The following CCKBR variants were observed in gnomAD, a reference collection of about 807,000 sequenced individuals.
The protein encoded by CCKBR is gastrin/cholecystokinin type B receptor.
CCKBR carries 33 observed loss-of-function variants against 34.6 expected under a neutral mutation model. That is an observed-to-expected ratio of 0.95 (90% CI 0.72 to 1.27). The LOEUF is 1.27. Ranked by LOEUF, CCKBR falls within the 50% of genes most tolerant of loss-of-function variation. The pLI, the probability that CCKBR is intolerant of heterozygous loss-of-function variation, is 0.00. For synonymous variants in CCKBR, 269 were observed against 267.5 expected, an observed-to-expected ratio of 1.01 and a Z score of -0.06; for missense variants, 652 against 617.4, an observed-to-expected ratio of 1.06 and a Z score of -0.59.
intron 1 of CCKBR, among the ~76,000 whole-genome samples, chr11:6,265,418 G>A (rs1169551145): frequency 6.6e-6 from 1 of 152,242 alleles, no homozygotes; most frequent in Admixed American, 6.5e-5. Flanking sequence ...ATGAATGAAT[G>A]AGAAATTGCT....
chr11:6,260,672 C>G (rs551586888), intron 1 of CCKBR, among the ~76,000 whole-genome samples: 58 of 152,340 alleles, frequency 3.8e-4, no homozygotes, highest in African/African-American at 1.4e-3. Context: ...CACTCCTTCT[C>G]AAACCCCTCT....
At chr11:6,270,598 G>A (rs201879757) in intron 3 of CCKBR, 48 bp from the exon 4 acceptor site, 2 of 1,536,382 alleles carry the variant, frequency 1.3e-6, no homozygotes, top group Non-Finnish European at 8.8e-7. Context: ...CTCCATCTGT[G>A]ATTACAGCTG....
intron 2 of CCKBR, 77 bp from the exon 3 acceptor site, chr11:6,270,011 G>A: frequency 6.3e-7 from 1 of 1,590,088 alleles, no homozygotes; most frequent in East Asian, 2.2e-5. Flanking sequence ...GGCAGGGAGG[G>A]GTGTGAGGAA....
rs753657482 is a variant in CCKBR, at chr11:6,270,226, T to C, written c.542T>C (p.Leu181Pro). 2 of 1,613,296 alleles carry C rather than the reference T, an allele frequency of 1.2e-6. No individual in the cohort carries two copies. Among genetic ancestry groups the C allele is most frequent in the Admixed American group, 1.7e-5 (1 of 60,022 alleles). Residue 181 changes from leucine to proline, a missense_variant, in exon 3 of 5, where the codon CTG becomes CCG. Leu to Pro is a moderately conservative substitution (Grantham distance 98). Coordinates refer to ENST00000334619, the MANE Select transcript of CCKBR (RefSeq NM_176875.4). ...CGCGTGATTGTAGCCACGTGGCTGC[T>C]GTCCGGACTACTCATGGTGCCCTAC... ...AARVIVATWL[L>P]SGLLMVPYPV...
At chr11:6,266,529 G>A (rs1228619621) in intron 1 of CCKBR, among the ~76,000 whole-genome samples, 1 of 150,500 alleles carries the variant, frequency 6.6e-6, no homozygotes, top group Non-Finnish European at 1.5e-5. Flanking sequence ...CAAAAAACAT[G>A]GAGGTAGTAT....
intron 1 of CCKBR, among the ~76,000 whole-genome samples, chr11:6,261,333 C>G (rs1848125525): frequency 6.6e-6 from 1 of 150,632 alleles, no homozygotes; most frequent in Non-Finnish European, 1.5e-5. Flanking sequence ...TGGAACACCT[C>G]TAGCCCAGCC....
intron 1 of CCKBR, chr11:6,264,724 TACACAC>T (rs5789456): frequency 2.6e-4 from 112 of 424,692 alleles, no homozygotes; most frequent in South Asian, 7.0e-4. Context: ...CACACATCAA[TACACAC>T]ACACACACAC....
chr11:6,261,201 G>T (rs1333743893), intron 1 of CCKBR, among the ~76,000 whole-genome samples: 1 of 151,874 alleles, frequency 6.6e-6, no homozygotes, highest in Non-Finnish European at 1.5e-5. Context: ...AATGTAAGTT[G>T]AACAAAACCG....
chr11:6,261,458 T>TACAC (rs1177710220), intron 1 of CCKBR, among the ~76,000 whole-genome samples: 1 of 36,790 alleles, frequency 2.7e-5, no homozygotes, highest in African/African-American at 7.8e-5. Flanking sequence ...AAAAAAAATA[T>TACAC]ATATACACAC....
At chr11:6,266,191 TTAAGAA>T (rs1458108808) in intron 1 of CCKBR, among the ~76,000 whole-genome samples, 3 of 152,106 alleles carry the variant, frequency 2.0e-5, no homozygotes, top group Non-Finnish European at 4.4e-5. Context: ...TGAGATTTGA[TTAAGAA>T]GGAGGCAGTA....
chr11:6,260,096 G>GC lies in CCKBR; in HGVS notation c.151+25dup, dbSNP rs552247907. 6.9e-3 allele frequency: 10,840 copies of GC among 1,563,722 alleles called. 54 individuals are homozygous for GC. Among genetic ancestry groups the GC allele is most frequent in the South Asian group, 0.02 (1,704 of 87,318 alleles). On this transcript the variant is annotated intron_variant, in intron 1 of 4. Transcript: ENST00000334619. ...GGACACGAGGTGGGTGCCTCCCTCA[G>GC]CCCCCCCCACAAGCTATTTCTCACT...
Position 6,267,585 on chromosome 11 carries a change from AT to A in CCKBR, c.152-2083del, listed in dbSNP as rs1395132730. Among the ~76,000 whole-genome samples the A allele has an allele frequency of 2.0e-5, 3 of 152,240 alleles. No homozygotes were observed. The East Asian group carries it at 5.8e-4, about 29-fold the overall frequency. On this transcript the variant is annotated intron_variant, in intron 1 of 4. Transcript: ENST00000334619. ...TTTTATAGTTAACTTTTTTAAAAAAATAAGTAAGAGTATACTCTAAAATAAT... is the reference window on the plus strand; with the variant it reads ...TTTTATAGTTAACTTTTTTAAAAAAAAAGTAAGAGTATACTCTAAAATAAT...
intron 1 of CCKBR, among the ~76,000 whole-genome samples, chr11:6,262,263 A>G (rs1014061746): frequency 9.2e-5 from 14 of 152,214 alleles, no homozygotes; most frequent in Admixed American, 8.5e-4. Flanking sequence ...TACAGGATGT[A>G]GAAGCCCCGA....
At position 6,260,004 on chromosome 11, in the gene CCKBR, G is replaced by T. The variant is rs752845810; in HGVS notation, c.76G>T (p.Ala26Ser). The change falls in exon 1 of 5, where the codon GCG becomes TCG. Residue 26 changes from alanine to serine, a missense_variant. By Grantham distance (99) the Ala-to-Ser change is moderately conservative. Coordinates refer to ENST00000334619, the MANE Select transcript of CCKBR (RefSeq NM_176875.4). ...GPGASLCRPG[A>S]PLLNSSSVGN... ...GGGGGCTTCCCTGTGCCGCCCGGGG[G>T]CGCCTCTCCTCAACAGCAGCAGTGT... is the stretch of plus-strand genomic sequence containing the variant. The T allele has an allele frequency of 3.1e-6, 5 of 1,588,854 alleles. No individual in the cohort carries two copies. In the South Asian group the frequency reaches 4.5e-5, roughly 14 times the overall value.
intron 1 of CCKBR, among the ~76,000 whole-genome samples, chr11:6,266,004 G>T (rs1848204164): frequency 6.6e-6 from 1 of 152,164 alleles, no homozygotes; most frequent in Non-Finnish European, 1.5e-5. Flanking sequence ...TGTGTTGACT[G>T]CCTCCCCTGT....
At chr11:6,266,549 CAG>C (rs1188488812) in intron 1 of CCKBR, among the ~76,000 whole-genome samples, 10 of 152,020 alleles carry the variant, frequency 6.6e-5, no homozygotes, top group African/African-American at 2.4e-4. Context: ...TGATGAATAA[CAG>C]AGTACTGCAG....
chr11:6,266,638 T>C (rs984841546), intron 1 of CCKBR, among the ~76,000 whole-genome samples: 7 of 152,156 alleles, frequency 4.6e-5, no homozygotes, highest in African/African-American at 1.7e-4. Flanking sequence ...TTATCAGGTG[T>C]GTGGTCTTGA....
intron 1 of CCKBR, among the ~76,000 whole-genome samples, chr11:6,260,712 G>C (rs1848116801): frequency 6.6e-6 from 1 of 152,218 alleles, no homozygotes; most frequent in African/African-American, 2.4e-5. Context: ...TCGAGGCTCT[G>C]TGCCCTCTCT....
intron 1 of CCKBR, among the ~76,000 whole-genome samples, chr11:6,262,713 AG>A (rs1564885184): frequency 2.7e-4 from 39 of 143,758 alleles, no homozygotes; most frequent in South Asian, 4.5e-4. Flanking sequence ...AGAGAGAGAG[AG>A]AGAGAGAGAG....
Sources: gnomAD v4.1 joint callset for allele counts (sites outside exome capture counted in the v4.1 genomes callset) on GRCh38, gnomAD v4.1.1 for gene constraint, MANE v1.5 for transcripts, NCBI Gene and HGNC (gene_info 2026-07-23, HGNC 2026-07-21) for gene names.